The following NXPE1 variants were observed in gnomAD, a reference collection of about 807,000 sequenced individuals.
NXPE1 encodes neurexophilin and PC-esterase domain family member 1.
Under a neutral mutation model 33.3 loss-of-function variants are expected in NXPE1, and 31 were observed. The observed-to-expected ratio is 0.93, with a 90% CI of 0.70 to 1.26. The LOEUF (loss-of-function observed/expected upper bound fraction) is 1.26, where lower values mean the gene tolerates loss of function less well. Among genes scored for constraint, NXPE1 ranks in the 50% most tolerant of loss-of-function variants. NXPE1 has a pLI of 0.00. For synonymous variants in NXPE1, 229 were observed against 231.4 expected (o/e 0.99, Z 0.09); for missense variants, 661 against 655.6 (o/e 1.01, Z -0.09).
intron 6 of NXPE1, among the ~76,000 whole-genome samples, chr11:114,528,562 T>G (rs935626652): frequency 2.6e-5 from 4 of 152,368 alleles, no homozygotes; most frequent in East Asian, 3.9e-4. Context: ...CACTGCTGTA[T>G]CCTTAATATC....
intron 5 of NXPE1, among the ~76,000 whole-genome samples, chr11:114,537,253 A>C (rs946515277): frequency 5.9e-5 from 9 of 152,366 alleles, no homozygotes; most frequent in Non-Finnish European, 7.3e-5. Context: ...AAAACTCTCA[A>C]TAAATTAGGT....
At chr11:114,522,756 G>C (rs1230230705) in intron 8 of NXPE1, 123 bp downstream of exon 8, 3 of 716,728 alleles carry the variant, frequency 4.2e-6, no homozygotes, top group South Asian at 3.8e-5. Context: ...AAATGTAAAG[G>C]TTCAAATCCA....
At chr11:114,543,734 T>C (rs1201467655) in intron 5 of NXPE1, among the ~76,000 whole-genome samples, 1 of 151,856 alleles carries the variant, frequency 6.6e-6, no homozygotes, top group African/African-American at 2.4e-5. Context: ...TCCTAACTAG[T>C]ACAATAAAAC....
At chr11:114,525,295 T>C (rs1056249121) in intron 7 of NXPE1, among the ~76,000 whole-genome samples, 5 of 152,066 alleles carry the variant, frequency 3.3e-5, no homozygotes, top group Non-Finnish European at 5.9e-5. Context: ...TTATATTTTT[T>C]ATTAGATAGG....
At chr11:114,555,402 A>G (rs937385433) in intron 1 of NXPE1, among the ~76,000 whole-genome samples, 1 of 151,830 alleles carries the variant, frequency 6.6e-6, no homozygotes, top group Non-Finnish European at 1.5e-5. Flanking sequence ...AATTTTTTAT[A>G]TTTTAGTAGA....
intron 7 of NXPE1, 100 bp downstream of exon 7, chr11:114,527,740 T>C: frequency 1.4e-6 from 1 of 695,518 alleles, no homozygotes; most frequent in Non-Finnish European, 2.4e-6. Flanking sequence ...ATCATAGACA[T>C]CTGCTAGGAA....
intron 5 of NXPE1, among the ~76,000 whole-genome samples, chr11:114,536,220 T>G (rs1323475853): frequency 6.6e-6 from 1 of 152,176 alleles, no homozygotes; most frequent in Non-Finnish European, 1.5e-5. Flanking sequence ...AATGAAGATG[T>G]TCTTTGAAAC....
At chr11:114,558,353 A>G (rs1948706677) in intron 1 of NXPE1, among the ~76,000 whole-genome samples, 1 of 152,152 alleles carries the variant, frequency 6.6e-6, no homozygotes, top group Non-Finnish European at 1.5e-5. Flanking sequence ...CATAGAGAAC[A>G]AAGATGATTA....
chr11:114,525,910 A>G (rs1265464913), intron 7 of NXPE1, among the ~76,000 whole-genome samples: 1 of 152,168 alleles, frequency 6.6e-6, no homozygotes, highest in Non-Finnish European at 1.5e-5. Context: ...TATTCCATCC[A>G]TTGGTCTCTC....
chr11:114,527,831 C>G lies in NXPE1; in HGVS notation c.895+9G>C, dbSNP rs768683517. On this transcript the variant is annotated intron_variant, in intron 7 of 8. Coordinates refer to ENST00000534921, the Ensembl canonical transcript of NXPE1. ...GAGCATCACCTAACTCAGGACAGAG[C>G]CAACTTACTGTTACAATTAGTGACA... 2.6e-5 allele frequency: 41 copies of G among 1,600,274 alleles called. No homozygotes were observed. Among genetic ancestry groups the G allele is most frequent in the Non-Finnish European group, 3.0e-5 (35 of 1,172,908 alleles).
chr11:114,553,988 A>G (rs76667985), intron 1 of NXPE1: 3 of 985,290 alleles, frequency 3.0e-6, no homozygotes, highest in African/African-American at 1.7e-5. Context: ...CTCAAAGTCA[A>G]CTTGTCCAAT....
Position 114,527,820 on chromosome 11 carries a change from T to G in NXPE1, c.895+20A>C. On this transcript the variant is annotated intron_variant, in intron 7 of 8. Coordinates refer to ENST00000534921, the Ensembl canonical transcript of NXPE1. Reference sequence around the variant, plus strand: ...AAGTTTCCTCTGAGCATCACCTAACTCAGGACAGAGCCAACTTACTGTTAC... The same window carrying G: ...AAGTTTCCTCTGAGCATCACCTAACGCAGGACAGAGCCAACTTACTGTTAC... 6.9e-6 allele frequency: 11 copies of G among 1,585,916 alleles called. No individual in the cohort carries two copies. Among genetic ancestry groups the G allele is most frequent in the Non-Finnish European group, 8.6e-6 (10 of 1,164,414 alleles).
chr11:114,536,082 C>A (rs1172210875), intron 5 of NXPE1, among the ~76,000 whole-genome samples: 1 of 152,194 alleles, frequency 6.6e-6, no homozygotes, highest in Admixed American at 6.5e-5. Flanking sequence ...AACAAACTGT[C>A]TCTCAGACCA....
At position 114,527,826 on chromosome 11, in the gene NXPE1, C is replaced by T; in HGVS notation, c.895+14G>A. On this transcript the variant is annotated intron_variant, in intron 7 of 8. Transcript: ENST00000534921. ...CCTCTGAGCATCACCTAACTCAGGACAGAGCCAACTTACTGTTACAATTAG... is the reference window on the plus strand; with the variant it reads ...CCTCTGAGCATCACCTAACTCAGGATAGAGCCAACTTACTGTTACAATTAG... 1 of 1,596,600 alleles carries T rather than the reference C, an allele frequency of 6.3e-7. No homozygotes were observed. The highest frequency in any genetic ancestry group is 8.5e-7 in the Non-Finnish European group (1 of 1,170,746).
chr11:114,543,533 A>G lies in NXPE1; in HGVS notation c.99+7570T>C, dbSNP rs373375732. On this transcript the variant is annotated intron_variant, in intron 5 of 8. Coordinates refer to ENST00000534921, the Ensembl canonical transcript of NXPE1. ...GAGACCCTGTTTAAAAAAAAAAAAAATCTTTTTAGATTGGTTAACAAAGCC... is the reference window on the plus strand; with the variant it reads ...GAGACCCTGTTTAAAAAAAAAAAAAGTCTTTTTAGATTGGTTAACAAAGCC... 3.2e-4 allele frequency among the ~76,000 whole-genome samples: 46 copies of G among 145,346 alleles called. 1 individual carries two copies. In the South Asian group the frequency reaches 0.01, roughly 32 times the overall value.
At chr11:114,543,266 G>T (rs1161562118) in intron 5 of NXPE1, among the ~76,000 whole-genome samples, 1 of 151,574 alleles carries the variant, frequency 6.6e-6, no homozygotes, top group Non-Finnish European at 1.5e-5. Context: ...TGAGGCAGGA[G>T]AATTGCTTGA....
intron 7 of NXPE1, among the ~76,000 whole-genome samples, chr11:114,524,836 T>C (rs1947320734): frequency 6.6e-6 from 1 of 152,216 alleles, no homozygotes; most frequent in African/African-American, 2.4e-5. Flanking sequence ...TTAATAGTTT[T>C]AGAATAAGCT....
At chr11:114,522,259 A>C in exon 9 of NXPE1, 2 of 1,614,080 alleles carry the variant, frequency 1.2e-6, no homozygotes, top group Non-Finnish European at 1.7e-6. Context: ...TGGCCCTGCG[A>C]ATAAAAATGT....
chr11:114,544,404 G>T (rs1049472215), intron 5 of NXPE1, among the ~76,000 whole-genome samples: 3 of 152,150 alleles, frequency 2.0e-5, no homozygotes, highest in Non-Finnish European at 4.4e-5. Flanking sequence ...GAACATAATA[G>T]AAAGCCAATA....
Sources: allele counts gnomAD v4.1 joint callset (sites outside exome capture counted in the v4.1 genomes callset), GRCh38; gene constraint gnomAD v4.1.1; transcripts MANE v1.5; gene names NCBI Gene and HGNC (gene_info 2026-07-23, HGNC 2026-07-21).